Variants in FRK observed in about 807,000 individuals in gnomAD.
The protein encoded by FRK is tyrosine-protein kinase FRK.
In FRK, 51 loss-of-function variants were observed where a neutral mutation model predicts 56.4. That is an observed-to-expected ratio of 0.90 (90% CI 0.72 to 1.14). FRK has a LOEUF of 1.14. Among genes scored for constraint, FRK ranks in the 50% most tolerant of loss-of-function variants. The pLI is 0.00. For synonymous variants in FRK, 245 were observed against 217.9 expected, an observed-to-expected ratio of 1.12 and a Z score of -1.10; for missense variants, 570 against 601.4, an observed-to-expected ratio of 0.95 and a Z score of 0.55.
In FRK at chr6:115,934,969, A is replaced by G. The variant is rs534897554; in HGVS notation, c.*7445T>C. On this transcript the variant is annotated 3_prime_UTR_variant, in exon 8 of 8. Transcript: ENST00000606080. ...AAAAAAAAAAAAACTTTCATAACCA[A>G]GTTTGGACATTATTCCTAGCCTCTA... 6.6e-6 allele frequency: 1 copy of G among 152,172 alleles called. No homozygotes were observed. The highest frequency in any genetic ancestry group is 2.1e-4 in the South Asian group (1 of 4,822). The allele number at this position is 152,172 out of a possible 1,614,324, so 9.4% of individuals were successfully genotyped here.
chr6:116,072,320 G>A, the FRK span, among the ~76,000 whole-genome samples: 4 of 151,856 alleles, frequency 2.6e-5, no homozygotes, highest in Non-Finnish European at 5.9e-5. Flanking sequence ...CTGAGGATGG[G>A]GTAAAAAATG....
the FRK span, among the ~76,000 whole-genome samples, chr6:116,085,785 C>T: frequency 5.9e-5 from 9 of 152,040 alleles, no homozygotes; most frequent in Non-Finnish European, 1.2e-4. Flanking sequence ...CATATGAACA[C>T]GGAGATTCTG....
the FRK span, among the ~76,000 whole-genome samples, chr6:116,080,941 A>T: frequency 6.6e-6 from 1 of 152,246 alleles, no homozygotes; most frequent in East Asian, 1.9e-4. Flanking sequence ...TGGGTAATTT[A>T]TAAAGGAAAG....
At chr6:115,948,282 G>T (rs1486873733) in intron 5 of FRK, among the ~76,000 whole-genome samples, 1 of 152,142 alleles carries the variant, frequency 6.6e-6, no homozygotes, top group African/African-American at 2.4e-5. Flanking sequence ...AGCGACACCT[G>T]CCAGGAGTCA....
intron 5 of FRK, among the ~76,000 whole-genome samples, chr6:115,946,913 A>T (rs1339442902): frequency 6.6e-6 from 1 of 152,074 alleles, no homozygotes. Context: ...GATTTTGGGG[A>T]TAGGAAGAGC....
intron 1 of FRK, among the ~76,000 whole-genome samples, chr6:116,052,453 C>T (rs6568921): frequency 0.31 from 46,667 of 152,008 alleles, 7,722 homozygotes; most frequent in Middle Eastern, 0.44. Flanking sequence ...TATTCATCTA[C>T]CCAATCAGTG....
chr6:116,065,885 A>G (rs944412277), upstream of FRK, among the ~76,000 whole-genome samples: 4 of 152,214 alleles, frequency 2.6e-5, no homozygotes, highest in African/African-American at 9.6e-5. Flanking sequence ...GTAGTCTAAT[A>G]TCTGCTTATA....
At chr6:115,960,523 C>T (rs775215188) in intron 4 of FRK, among the ~76,000 whole-genome samples, 4,156 of 145,786 alleles carry the variant, frequency 0.029, 82 homozygotes, top group Non-Finnish European at 0.044. Flanking sequence ...CCCGGAAGCT[C>T]GAACTGGGTG....
the FRK span, among the ~76,000 whole-genome samples, chr6:116,095,910 G>A: frequency 6.6e-6 from 1 of 152,184 alleles, no homozygotes. Flanking sequence ...GCATTTATAG[G>A]AAAAGGCTTC....
At chr6:116,069,677 G>C in the FRK span, among the ~76,000 whole-genome samples, 1 of 152,132 alleles carries the variant, frequency 6.6e-6, no homozygotes, top group Non-Finnish European at 1.5e-5. Flanking sequence ...AACAAAAAAG[G>C]ATGAATATGA....
intron 2 of FRK, among the ~76,000 whole-genome samples, chr6:115,972,643 T>C (rs571464474): frequency 2.0e-5 from 3 of 152,180 alleles, no homozygotes; most frequent in Non-Finnish European, 4.4e-5. Flanking sequence ...ACCAATTCCT[T>C]TGTCAACTGT....
At chr6:115,957,249 A>C (rs1773036733) in intron 4 of FRK, among the ~76,000 whole-genome samples, 1 of 152,198 alleles carries the variant, frequency 6.6e-6, no homozygotes, top group African/African-American at 2.4e-5. Flanking sequence ...AGCATGGCCA[A>C]ATGGAGGAGA....
At chr6:116,091,943 G>A in the FRK span, among the ~76,000 whole-genome samples, 2 of 152,266 alleles carry the variant, frequency 1.3e-5, no homozygotes, top group East Asian at 1.9e-4. Flanking sequence ...TCACCCAAGC[G>A]AAACTTGCCC....
At chr6:115,991,916 G>T (rs1774624441) in intron 2 of FRK, among the ~76,000 whole-genome samples, 1 of 151,234 alleles carries the variant, frequency 6.6e-6, no homozygotes, top group South Asian at 2.1e-4. Flanking sequence ...TTTTGTTGTT[G>T]GTGGTAGATT....
At chr6:115,977,275 GAGA>G (rs1278355149) in intron 2 of FRK, among the ~76,000 whole-genome samples, 1 of 152,180 alleles carries the variant, frequency 6.6e-6, no homozygotes, top group Non-Finnish European at 1.5e-5. Context: ...ATTATTTTGA[GAGA>G]AGAAAGTACA....
intron 1 of FRK, among the ~76,000 whole-genome samples, chr6:116,017,462 C>T (rs1439986725): frequency 6.6e-6 from 1 of 152,172 alleles, no homozygotes; most frequent in Non-Finnish European, 1.5e-5. Flanking sequence ...CTCCATAAGT[C>T]CCTTTCCACC....
the FRK span, among the ~76,000 whole-genome samples, chr6:116,094,666 C>T: frequency 7.2e-5 from 11 of 152,116 alleles, no homozygotes; most frequent in Admixed American, 2.0e-4. Context: ...CTACCAAAGC[C>T]GTCAAAAGGG....
the FRK span, among the ~76,000 whole-genome samples, chr6:116,072,336 C>T: frequency 6.6e-6 from 1 of 152,032 alleles, no homozygotes; most frequent in African/African-American, 2.4e-5. Flanking sequence ...AAATGTCATT[C>T]TTTCTAAATA....
At chr6:115,961,286 A>G (rs1773348773) in intron 4 of FRK, among the ~76,000 whole-genome samples, 1 of 113,766 alleles carries the variant, frequency 8.8e-6, no homozygotes, top group Non-Finnish European at 1.8e-5. Context: ...ACTGGAAGAA[A>G]GGGTATCAGC....
Sources: gnomAD v4.1 joint callset for allele counts (sites outside exome capture counted in the v4.1 genomes callset) on GRCh38, gnomAD v4.1.1 for gene constraint, MANE v1.5 for transcripts, NCBI Gene and HGNC (gene_info 2026-07-23, HGNC 2026-07-21) for gene names.